Variants in RSRC1 observed in about 807,000 individuals in gnomAD.
RSRC1 encodes the protein serine/Arginine-related protein 53.
Under a neutral mutation model 49.1 loss-of-function variants are expected in RSRC1, and 39 were observed. The ratio of observed to expected loss-of-function variants is 0.79; its 90% CI spans 0.61 to 1.04. RSRC1 has a LOEUF of 1.04. RSRC1 is among the 50% of genes least tolerant of loss of function. The pLI is 0.00. For missense variants in RSRC1, 388 were observed against 402.4 expected (o/e 0.96, Z 0.31); for synonymous variants, 143 against 130.8 (o/e 1.09, Z -0.63).
chr3:158,533,884 G>A (rs181724201), intron 7 of RSRC1, among the ~76,000 whole-genome samples: 1 of 151,744 alleles, frequency 6.6e-6, no homozygotes, highest in Non-Finnish European at 1.5e-5. Flanking sequence ...TGTATGGGAT[G>A]TGTTAATATT....
At chr3:158,452,146 G>A (rs1175777454) in intron 6 of RSRC1, among the ~76,000 whole-genome samples, 1 of 152,090 alleles carries the variant, frequency 6.6e-6, no homozygotes, top group Non-Finnish European at 1.5e-5. Flanking sequence ...GAATAAATAT[G>A]TAAGAAACAA....
chr3:158,456,794 A>G (rs1460919592), intron 6 of RSRC1, among the ~76,000 whole-genome samples: 1 of 152,170 alleles, frequency 6.6e-6, no homozygotes, highest in Admixed American at 6.6e-5. Context: ...GGAGTGAGAA[A>G]GGAGAAGTAG....
chr3:158,313,099 C>A (rs188240177), intron 5 of RSRC1, among the ~76,000 whole-genome samples: 15 of 152,068 alleles, frequency 9.9e-5, no homozygotes, highest in African/African-American at 2.9e-4. Flanking sequence ...CCAACAACCT[C>A]CCCCCTCCCC....
chr3:158,401,137 C>A (rs1258873759), intron 6 of RSRC1, among the ~76,000 whole-genome samples: 1 of 151,986 alleles, frequency 6.6e-6, no homozygotes, highest in Non-Finnish European at 1.5e-5. Context: ...GCTATACCAT[C>A]TAGATTTGTG....
At chr3:158,264,426 T>C (rs898987018) in intron 4 of RSRC1, among the ~76,000 whole-genome samples, 2 of 152,224 alleles carry the variant, frequency 1.3e-5, no homozygotes, top group African/African-American at 4.8e-5. Context: ...TAGACTTCTT[T>C]TATGGCTCAG....
Position 158,230,565 on chromosome 3 carries a change from T to A in RSRC1, c.494+27320T>A, listed in dbSNP as rs372834930. ...AAGTGAATAAATGAAATAAAACATA[T>A]CATTCTGCTACAGCAATTTTAGGAA... On this transcript the variant is annotated intron_variant, in intron 4 of 9. Coordinates refer to ENST00000611884, the MANE Select transcript of RSRC1 (RefSeq NM_001271838.2). Among the ~76,000 whole-genome samples, 121 of 152,274 alleles carry A rather than the reference T, an allele frequency of 7.9e-4. 4 individuals are homozygous for A. The South Asian group carries it at 0.024, about 31-fold the overall frequency.
intron 6 of RSRC1, among the ~76,000 whole-genome samples, chr3:158,356,501 ACTC>A (rs1731167485): frequency 6.6e-6 from 1 of 151,546 alleles, no homozygotes; most frequent in Non-Finnish European, 1.5e-5. Context: ...GTGTCTCTAT[ACTC>A]CTCCTTATTA....
intron 5 of RSRC1, among the ~76,000 whole-genome samples, chr3:158,310,048 CTATAATGGATG>C (rs1370425023): frequency 2.6e-5 from 4 of 151,512 alleles, no homozygotes; most frequent in Admixed American, 2.0e-4. Context: ...TGGTAAGATA[CTATAATGGATG>C]TATAATGGAT....
At chr3:158,521,229 T>G (rs1156279079) in intron 7 of RSRC1, among the ~76,000 whole-genome samples, 1 of 152,116 alleles carries the variant, frequency 6.6e-6, no homozygotes, top group Admixed American at 6.6e-5. Context: ...GGTTAGAGAT[T>G]ATGCCCTAGA....
intron 3 of RSRC1, among the ~76,000 whole-genome samples, chr3:158,172,349 G>A (rs541342027): frequency 6.6e-6 from 1 of 152,010 alleles, no homozygotes; most frequent in Non-Finnish European, 1.5e-5. Flanking sequence ...TATCTTTTTG[G>A]CATTTATGTA....
chr3:158,267,311 G>A (rs1006142421), intron 4 of RSRC1, among the ~76,000 whole-genome samples: 5 of 152,070 alleles, frequency 3.3e-5, no homozygotes, highest in Admixed American at 6.5e-5. Flanking sequence ...ACTATCATGC[G>A]TGAGAGTGAT....
intron 7 of RSRC1, among the ~76,000 whole-genome samples, chr3:158,478,249 T>C (rs1159010020): frequency 6.6e-6 from 1 of 151,886 alleles, no homozygotes; most frequent in Non-Finnish European, 1.5e-5. Flanking sequence ...TTTTTCTTTT[T>C]GTTTGTTTTT....
At chr3:158,270,240 TA>T (rs1725430130) in intron 4 of RSRC1, among the ~76,000 whole-genome samples, 1 of 152,152 alleles carries the variant, frequency 6.6e-6, no homozygotes, top group South Asian at 2.1e-4. Flanking sequence ...TGCTTAAAGC[TA>T]ACCCCAGGGA....
At chr3:158,153,092 C>T (rs1434047922) in intron 3 of RSRC1, among the ~76,000 whole-genome samples, 3 of 152,112 alleles carry the variant, frequency 2.0e-5, no homozygotes, top group African/African-American at 7.2e-5. Context: ...CTGGGCAACC[C>T]TTTCTGTCCT....
At chr3:158,487,545 C>T (rs1469954931) in intron 7 of RSRC1, among the ~76,000 whole-genome samples, 1 of 152,080 alleles carries the variant, frequency 6.6e-6, no homozygotes, top group Non-Finnish European at 1.5e-5. Context: ...CAACTAAGTC[C>T]TCAACTGGCT....
chr3:158,495,802 C>T (rs1043369184), intron 7 of RSRC1, among the ~76,000 whole-genome samples: 2 of 152,196 alleles, frequency 1.3e-5, no homozygotes, highest in South Asian at 4.1e-4. Flanking sequence ...TTGTCAATGG[C>T]TGCGTTTGTG....
intron 4 of RSRC1, among the ~76,000 whole-genome samples, chr3:158,226,705 C>T (rs1722550559): frequency 6.6e-6 from 1 of 151,862 alleles, no homozygotes; most frequent in African/African-American, 2.4e-5. Context: ...GCTTATTTTC[C>T]TCTACAAGTT....
chr3:158,394,901 C>G (rs184791278), intron 6 of RSRC1, among the ~76,000 whole-genome samples: 11 of 152,166 alleles, frequency 7.2e-5, no homozygotes, highest in Non-Finnish European at 1.3e-4. Context: ...GCAAAAAGAA[C>G]AAAGCTGGAG....
intron 3 of RSRC1, among the ~76,000 whole-genome samples, chr3:158,188,975 G>A (rs1720075663): frequency 6.6e-6 from 1 of 151,508 alleles, no homozygotes. Context: ...TTTCCTCTGA[G>A]CTGTGCTTTA....
Sources: allele counts gnomAD v4.1 joint callset (sites outside exome capture counted in the v4.1 genomes callset), GRCh38; gene constraint gnomAD v4.1.1; transcripts MANE v1.5; gene names NCBI Gene and HGNC (gene_info 2026-07-23, HGNC 2026-07-21).